NCKAP5: variants seen among roughly 807,000 people sequenced by gnomAD.
NCKAP5 encodes NCK associated protein 5.
In NCKAP5, 92 loss-of-function variants were observed where a neutral mutation model predicts 167.0. The observed-to-expected ratio is 0.55, with a 90% CI of 0.47 to 0.66. NCKAP5 has a LOEUF of 0.66. Ranked by LOEUF, NCKAP5 falls within the 30% of genes least tolerant of loss-of-function variation. The pLI is 0.00. For missense variants in NCKAP5, 2,378 were observed against 2,315.0 expected (o/e 1.03, Z -0.56); for synonymous variants, 891 against 877.4 (o/e 1.02, Z -0.27).
At chr2:133,205,864 A>G (rs191710328) in intron 5 of NCKAP5, among the ~76,000 whole-genome samples, 17 of 152,224 alleles carry the variant, frequency 1.1e-4, no homozygotes, top group Non-Finnish European at 1.5e-4. Context: ...TTTAAATATT[A>G]TAGTTTAAAA....
At chr2:133,078,975 C>T (rs1456759698) in intron 6 of NCKAP5, among the ~76,000 whole-genome samples, 2 of 152,054 alleles carry the variant, frequency 1.3e-5, no homozygotes, top group African/African-American at 4.8e-5. Context: ...TCTGGAGGAA[C>T]GAGGCTCTTA....
At chr2:133,176,693 C>A (rs1268996383) in intron 5 of NCKAP5, among the ~76,000 whole-genome samples, 1 of 152,132 alleles carries the variant, frequency 6.6e-6, no homozygotes, top group Admixed American at 6.5e-5. Flanking sequence ...CCTTTTAAAA[C>A]AATTTTGTAT....
intron 16 of NCKAP5, among the ~76,000 whole-genome samples, chr2:132,738,826 T>G (rs1002967613): frequency 6.6e-6 from 1 of 151,946 alleles, no homozygotes; most frequent in African/African-American, 2.4e-5. Flanking sequence ...CCAGACTCTT[T>G]TAAACAACAG....
At chr2:133,290,687 G>A (rs953380721) in intron 4 of NCKAP5, among the ~76,000 whole-genome samples, 1 of 147,348 alleles carries the variant, frequency 6.8e-6, no homozygotes, top group Admixed American at 6.8e-5. Flanking sequence ...GATAAAGGTG[G>A]TCTCATCCCT....
At chr2:132,801,565 G>A (rs1054779108) in intron 11 of NCKAP5, among the ~76,000 whole-genome samples, 8 of 152,194 alleles carry the variant, frequency 5.3e-5, no homozygotes, top group African/African-American at 1.9e-4. Context: ...ATACACAAGG[G>A]CAGGGGTTAG....
At chr2:133,072,093 T>C (rs149749992) in intron 6 of NCKAP5, among the ~76,000 whole-genome samples, 1 of 151,744 alleles carries the variant, frequency 6.6e-6, no homozygotes, top group Non-Finnish European at 1.5e-5. Flanking sequence ...TTTTTTTTTT[T>C]CTTTTTTTGA....
chr2:132,698,556 C>T (rs996847541), intron 19 of NCKAP5, among the ~76,000 whole-genome samples: 8 of 152,084 alleles, frequency 5.3e-5, no homozygotes, highest in East Asian at 1.9e-4. Flanking sequence ...AAATTGTGGC[C>T]GGGAGCTGTG....
intron 8 of NCKAP5, among the ~76,000 whole-genome samples, chr2:132,891,339 G>A (rs1446185556): frequency 6.6e-6 from 1 of 152,146 alleles, no homozygotes; most frequent in Non-Finnish European, 1.5e-5. Flanking sequence ...GCTGCTGCTG[G>A]CCTGGGAACA....
At chr2:133,522,646 A>T (rs1200261027) in intron 2 of NCKAP5, among the ~76,000 whole-genome samples, 1 of 152,236 alleles carries the variant, frequency 6.6e-6, no homozygotes, top group Non-Finnish European at 1.5e-5. Flanking sequence ...CTTTGTGAAC[A>T]TATAAAGAGC....
intron 2 of NCKAP5, among the ~76,000 whole-genome samples, chr2:133,553,290 A>C (rs1383766963): frequency 2.0e-5 from 3 of 152,212 alleles, no homozygotes; most frequent in Non-Finnish European, 2.9e-5. Context: ...AACTGGTATG[A>C]ATATGGCAGA....
chr2:133,213,144 G>A (rs570150893), intron 5 of NCKAP5, among the ~76,000 whole-genome samples: 5 of 152,212 alleles, frequency 3.3e-5, no homozygotes, highest in East Asian at 3.9e-4. Flanking sequence ...CAGATACTTC[G>A]GCAAAGACAG....
At chr2:133,185,037 G>C (rs2150051065) in intron 5 of NCKAP5, among the ~76,000 whole-genome samples, 1 of 151,938 alleles carries the variant, frequency 6.6e-6, no homozygotes, top group Middle Eastern at 3.4e-3. Context: ...TCATTGCCTA[G>C]ACCACTATCT....
At chr2:133,043,299 C>A (rs2079275905) in intron 6 of NCKAP5, among the ~76,000 whole-genome samples, 2 of 152,168 alleles carry the variant, frequency 1.3e-5, no homozygotes, top group Admixed American at 1.3e-4. Context: ...CACACTCTCC[C>A]TTCTTTATAA....
intron 8 of NCKAP5, among the ~76,000 whole-genome samples, chr2:132,883,350 G>A (rs1691940313): frequency 6.6e-6 from 1 of 152,014 alleles, no homozygotes; most frequent in African/African-American, 2.4e-5. Context: ...TACTTTGCCA[G>A]GGTATATCAT....
At chr2:133,565,955 G>A (rs920680622) in intron 1 of NCKAP5, among the ~76,000 whole-genome samples, 11 of 152,172 alleles carry the variant, frequency 7.2e-5, no homozygotes, top group Non-Finnish European at 1.6e-4. Context: ...ACGGAAAGAG[G>A]TATTTAACAA....
intron 2 of NCKAP5, among the ~76,000 whole-genome samples, chr2:133,531,721 GATTGAGGA>G (rs1455564774): frequency 3.3e-5 from 5 of 152,066 alleles, no homozygotes; most frequent in Non-Finnish European, 7.4e-5. Flanking sequence ...CCAATTACCA[GATTGAGGA>G]ATTTTTTTAT....
the NCKAP5 span, among the ~76,000 whole-genome samples, chr2:133,605,621 T>C: frequency 6.6e-6 from 1 of 152,232 alleles, no homozygotes; most frequent in African/African-American, 2.4e-5. Context: ...GACATCACTC[T>C]GCTCATCGAT....
upstream of NCKAP5, among the ~76,000 whole-genome samples, chr2:133,571,917 G>A (rs141101334): frequency 7.4e-4 from 113 of 151,832 alleles, no homozygotes; most frequent in African/African-American, 2.6e-3. Flanking sequence ...GGAGGTTGCC[G>A]TGAGCCAAGA....
At chr2:133,423,952 C>G (rs1268353567) in intron 3 of NCKAP5, among the ~76,000 whole-genome samples, 5 of 152,196 alleles carry the variant, frequency 3.3e-5, no homozygotes, top group Admixed American at 1.3e-4. Flanking sequence ...TAAAGCAAGA[C>G]TAATTTCTCC....
Sources: gnomAD v4.1 joint callset for allele counts (sites outside exome capture counted in the v4.1 genomes callset) on GRCh38, gnomAD v4.1.1 for gene constraint, MANE v1.5 for transcripts, NCBI Gene and HGNC (gene_info 2026-07-23, HGNC 2026-07-21) for gene names.